MSI2: variants seen among roughly 807,000 people sequenced by gnomAD.
The protein encoded by MSI2 is musashi RNA binding protein 2, also known as RNA-binding protein Musashi homolog 2.
Under a neutral mutation model 45.6 loss-of-function variants are expected in MSI2, and 17 were observed. That is an observed-to-expected ratio of 0.37 (90% confidence interval 0.26 to 0.56). The LOEUF (loss-of-function observed/expected upper bound fraction) is 0.56. MSI2 is among the 20% of genes least tolerant of loss of function. MSI2 has a pLI of 0.77. For synonymous variants in MSI2, 156 were observed against 158.2 expected (o/e 0.99, Z 0.11); for missense variants, 293 against 444.2 (o/e 0.66, Z 3.06).
intron 6 of MSI2, among the ~76,000 whole-genome samples, chr17:57,421,089 C>G (rs2084386716): frequency 6.6e-6 from 1 of 151,922 alleles, no homozygotes; most frequent in Admixed American, 6.6e-5. Context: ...CTCCCCTGTT[C>G]TGAGGTATAA....
At chr17:57,393,030 C>A (rs2083823403) in intron 5 of MSI2, among the ~76,000 whole-genome samples, 1 of 152,132 alleles carries the variant, frequency 6.6e-6, no homozygotes, top group South Asian at 2.1e-4. Flanking sequence ...ACCGCATACC[C>A]TTTAGCCATC....
At chr17:57,523,981 C>T (rs1163621656) in intron 6 of MSI2, among the ~76,000 whole-genome samples, 2 of 152,192 alleles carry the variant, frequency 1.3e-5, no homozygotes, top group Admixed American at 6.5e-5. Context: ...GTTTATCTCA[C>T]GTGTTTGGAG....
intron 6 of MSI2, among the ~76,000 whole-genome samples, chr17:57,501,906 C>T (rs769883635): frequency 2.0e-4 from 31 of 152,300 alleles, no homozygotes; most frequent in Middle Eastern, 6.8e-3. Context: ...CCATTTATTA[C>T]AGGTCTATTT....
chr17:57,382,137 G>GTCAT (rs2083608265), intron 5 of MSI2, among the ~76,000 whole-genome samples: 1 of 152,204 alleles, frequency 6.6e-6, no homozygotes. Context: ...CTTTAGGATG[G>GTCAT]TCATTCATTC....
chr17:57,390,783 TG>T (rs1481617218), intron 5 of MSI2, among the ~76,000 whole-genome samples: 3 of 152,222 alleles, frequency 2.0e-5, no homozygotes, highest in Non-Finnish European at 2.9e-5. Context: ...ACTGGAGAGA[TG>T]GGCTCTGGAA....
At chr17:57,490,704 G>A (rs2085853276) in intron 6 of MSI2, among the ~76,000 whole-genome samples, 1 of 152,182 alleles carries the variant, frequency 6.6e-6, no homozygotes, top group Non-Finnish European at 1.5e-5. Context: ...GCCGAGAAGC[G>A]ACCATGATCT....
intron 5 of MSI2, among the ~76,000 whole-genome samples, chr17:57,308,673 C>T (rs1417624590): frequency 6.6e-6 from 1 of 152,134 alleles, no homozygotes; most frequent in Non-Finnish European, 1.5e-5. Context: ...AGCAGGCTCT[C>T]CTTTACCTCC....
intron 5 of MSI2, among the ~76,000 whole-genome samples, chr17:57,317,599 C>T (rs1169111297): frequency 6.7e-6 from 1 of 150,162 alleles, no homozygotes; most frequent in Non-Finnish European, 1.5e-5. Flanking sequence ...TAGCCTACAC[C>T]TCCTGGGCTC....
intron 5 of MSI2, among the ~76,000 whole-genome samples, chr17:57,305,827 A>G (rs940829889): frequency 2.6e-5 from 4 of 152,198 alleles, no homozygotes; most frequent in African/African-American, 9.7e-5. Context: ...AATAGGTAAC[A>G]TGACCCACAA....
rs540243012 is a variant in MSI2 at position 57,485,456 on chromosome 17, C to T, written c.406-44220C>T. Among the ~76,000 whole-genome samples, 13 of 152,254 alleles carry T rather than the reference C, an allele frequency of 8.5e-5. No individual in the cohort carries two copies. In the South Asian group the frequency reaches 2.5e-3, roughly 29 times the overall value. On this transcript the variant is annotated intron_variant, in intron 6 of 13. Coordinates refer to ENST00000284073, the MANE Select transcript of MSI2 (RefSeq NM_138962.4). ...CTGGAAAAAAACAGACTCATTTGCA[C>T]AGATAGAAACAAAAGATTGTGCAGA...
chr17:57,617,459 G>A (rs965481077), intron 9 of MSI2, among the ~76,000 whole-genome samples: 12 of 152,174 alleles, frequency 7.9e-5, no homozygotes, highest in Admixed American at 3.9e-4. Flanking sequence ...TGATAGAAAA[G>A]GGTAGAGTCT....
chr17:57,604,439 G>T (rs533776093), intron 8 of MSI2, among the ~76,000 whole-genome samples: 1 of 152,244 alleles, frequency 6.6e-6, no homozygotes, highest in African/African-American at 2.4e-5. Flanking sequence ...TGGGTCCCGA[G>T]CCTGCGGGGC....
chr17:57,580,794 G>GA (rs2088180777), intron 7 of MSI2, among the ~76,000 whole-genome samples: 2 of 152,052 alleles, frequency 1.3e-5, no homozygotes, highest in Non-Finnish European at 2.9e-5. Flanking sequence ...GCTCAGCTTT[G>GA]GTACCTCAGA....
intron 9 of MSI2, 180 bp downstream of exon 9, chr17:57,616,264 T>G (rs58964883): frequency 9.8e-4 from 501 of 513,550 alleles, no homozygotes; most frequent in African/African-American, 8.3e-3. Context: ...TAAGTGTGGG[T>G]GTGTGTGTGT....
Position 57,559,928 on chromosome 17 carries a change from A to G in MSI2, c.454+30204A>G, listed in dbSNP as rs544044589. ...CAGACCTGGGCCGGGCCACCTGTGC[A>G]GGTAACTCCTTCACTGCTATTGGTC... On this transcript the variant is annotated intron_variant, in intron 7 of 13. Transcript: ENST00000284073. Among the ~76,000 whole-genome samples, 5 of 152,372 alleles carry G rather than the reference A, an allele frequency of 3.3e-5. No individual in the cohort carries two copies. In the South Asian group the frequency reaches 1.0e-3, roughly 32 times the overall value.
intron 6 of MSI2, among the ~76,000 whole-genome samples, chr17:57,515,034 A>C (rs2086440778): frequency 6.6e-6 from 1 of 152,218 alleles, no homozygotes; most frequent in African/African-American, 2.4e-5. Context: ...GATCAGGATG[A>C]ATATTGATAA....
chr17:57,258,681 A>G (rs79209666), intron 4 of MSI2, among the ~76,000 whole-genome samples: 1 of 152,216 alleles, frequency 6.6e-6, no homozygotes, highest in East Asian at 1.9e-4. Flanking sequence ...TTGTCAGCCA[A>G]GCACAGCACG....
intron 6 of MSI2, among the ~76,000 whole-genome samples, chr17:57,510,135 C>A (rs1408206222): frequency 1.3e-5 from 2 of 152,034 alleles, no homozygotes; most frequent in African/African-American, 4.8e-5. Flanking sequence ...CCATCTACTC[C>A]TTCCTCTGTC....
At chr17:57,270,475 T>C (rs1908256439) in intron 5 of MSI2, among the ~76,000 whole-genome samples, 2 of 152,248 alleles carry the variant, frequency 1.3e-5, no homozygotes, top group Non-Finnish European at 2.9e-5. Flanking sequence ...TATAAAATGC[T>C]CAGGCTGAGG....
Sources: gnomAD v4.1 joint callset for allele counts (sites outside exome capture counted in the v4.1 genomes callset) on GRCh38, gnomAD v4.1.1 for gene constraint, MANE v1.5 for transcripts, NCBI Gene and HGNC (gene_info 2026-07-23, HGNC 2026-07-21) for gene names.